The following CSMD2 variants were observed in gnomAD, a reference collection of about 807,000 sequenced individuals.
CSMD2 encodes CUB and sushi domain-containing protein 2.
A neutral mutation model predicts 398.5 loss-of-function variants in CSMD2; 130 were observed. That is an observed-to-expected ratio of 0.33 (90% CI 0.28 to 0.38). The LOEUF (loss-of-function observed/expected upper bound fraction) is 0.38. CSMD2 is among the 10% of genes least tolerant of loss of function. The pLI is 1.00. For missense variants in CSMD2, 3,829 were observed against 4,764.9 expected, an observed-to-expected ratio of 0.80 and a Z score of 5.78; for synonymous variants, 1,828 against 1,908.5, an observed-to-expected ratio of 0.96 and a Z score of 1.10.
At chr1:34,093,525 ATG>A (rs1658902575) in intron 1 of CSMD2, among the ~76,000 whole-genome samples, 1 of 152,042 alleles carries the variant, frequency 6.6e-6, no homozygotes, top group Admixed American at 6.5e-5. Flanking sequence ...ATTTAGAAGA[ATG>A]TATAACTAGA....
intron 3 of CSMD2, among the ~76,000 whole-genome samples, chr1:33,969,435 C>T (rs493137): frequency 0.073 from 11,114 of 151,978 alleles, 1,149 homozygotes; most frequent in African/African-American, 0.23. Context: ...CTAGACAGTG[C>T]GATGGATGGA....
intron 5 of CSMD2, among the ~76,000 whole-genome samples, chr1:33,867,864 C>T: frequency 6.6e-6 from 1 of 152,154 alleles, no homozygotes; most frequent in East Asian, 1.9e-4. Context: ...AAGAGGGCCC[C>T]CACACAGCTA....
At chr1:33,657,012 T>A (rs994766656) in intron 27 of CSMD2, among the ~76,000 whole-genome samples, 1 of 152,184 alleles carries the variant, frequency 6.6e-6, no homozygotes, top group Non-Finnish European at 1.5e-5. Flanking sequence ...TGTCTCTATC[T>A]ATTTACCTTT....
intron 2 of CSMD2, among the ~76,000 whole-genome samples, chr1:34,055,608 C>A (rs529697731): frequency 6.6e-6 from 1 of 152,196 alleles, no homozygotes; most frequent in Admixed American, 6.5e-5. Flanking sequence ...CAAAGGATAC[C>A]AATGAACACC....
chr1:34,085,287 G>A (rs960919769), intron 2 of CSMD2, among the ~76,000 whole-genome samples: 1 of 151,860 alleles, frequency 6.6e-6, no homozygotes, highest in Non-Finnish European at 1.5e-5. Flanking sequence ...GCTAAATGAC[G>A]AGTTAATGGG....
intron 2 of CSMD2, among the ~76,000 whole-genome samples, chr1:34,052,475 A>T (rs1434984103): frequency 6.8e-6 from 1 of 146,296 alleles, no homozygotes; most frequent in African/African-American, 2.6e-5. Context: ...GGGTCGAGAA[A>T]TCAATCCCCT....
rs35599517 is a variant in CSMD2, at chr1:33,581,354, TAAA to T, written c.7241-458_7241-456del. On this transcript the variant is annotated intron_variant, in intron 47 of 70. Coordinates refer to ENST00000373381, the MANE Select transcript of CSMD2 (RefSeq NM_001281956.2). ...TTGGCAAGCAAGACCCCATCTTTAC[TAAA>T]AAAAAAAAAAAAAAAAAAAAAAAAT... is the stretch of plus-strand genomic sequence containing the variant. 1.7e-3 allele frequency among the ~76,000 whole-genome samples: 145 copies of T among 84,218 alleles called. 7 individuals are homozygous for T. The highest frequency in any genetic ancestry group is 5.9e-3 in the African/African-American group (131 of 22,236). The allele number at this position is 84,218 out of a possible 152,430, so 55.3% of individuals were successfully genotyped here. A position where few individuals can be genotyped will look rare whatever the true frequency, so the allele number is the denominator to read the frequency against.
Position 34,090,635 on chromosome 1 carries a change from C to A in CSMD2, c.188-1442G>T, listed in dbSNP as rs572897350. On this transcript the variant is annotated intron_variant, in intron 1 of 70. Coordinates refer to ENST00000373381, the MANE Select transcript of CSMD2 (RefSeq NM_001281956.2). ...CTTCCTCTTCTTCACAACCCCATGG[C>A]TAATCTACCACTCTATCTCTATCTC... is the stretch of plus-strand genomic sequence containing the variant. Among the ~76,000 whole-genome samples, 23 of 152,206 alleles carry A rather than the reference C, an allele frequency of 1.5e-4. No homozygotes were observed. In the South Asian group the frequency reaches 4.8e-3, roughly 32 times the overall value.
chr1:33,884,214 C>A (rs4653358), intron 5 of CSMD2, among the ~76,000 whole-genome samples: 127,203 of 151,764 alleles, frequency 0.84, 53,817 homozygotes, highest in African/African-American at 0.96. Flanking sequence ...GTTGTGTCCC[C>A]GTTGTAAGCT....
At chr1:34,000,224 A>C (rs1331816828) in intron 3 of CSMD2, among the ~76,000 whole-genome samples, 2 of 152,168 alleles carry the variant, frequency 1.3e-5, no homozygotes, top group African/African-American at 4.8e-5. Context: ...CTTTTTGATG[A>C]AAGTGACAAG....
chr1:33,712,383 T>C (rs922456184), intron 21 of CSMD2, among the ~76,000 whole-genome samples: 8 of 152,170 alleles, frequency 5.3e-5, no homozygotes, highest in Non-Finnish European at 2.9e-5. Context: ...CCTTCTCGGC[T>C]GGAAATGTTC....
At chr1:33,993,257 G>T (rs1274420950) in intron 3 of CSMD2, among the ~76,000 whole-genome samples, 1 of 152,202 alleles carries the variant, frequency 6.6e-6, no homozygotes, top group Non-Finnish European at 1.5e-5. Flanking sequence ...CCCTCAGTTT[G>T]TAGTTTGCAT....
chr1:33,805,396 A>T (rs1015061905), intron 10 of CSMD2, among the ~76,000 whole-genome samples: 1 of 152,170 alleles, frequency 6.6e-6, no homozygotes, highest in Non-Finnish European at 1.5e-5. Flanking sequence ...TTCTTTGTAA[A>T]ATGTTGTGCA....
intron 6 of CSMD2, among the ~76,000 whole-genome samples, chr1:33,831,905 G>A (rs1557969533): frequency 6.6e-6 from 1 of 151,962 alleles, no homozygotes; most frequent in Non-Finnish European, 1.5e-5. Flanking sequence ...AAGATCAAAA[G>A]AGACAAAGAA....
chr1:34,014,928 T>C (rs952502252), intron 3 of CSMD2, among the ~76,000 whole-genome samples: 3 of 152,254 alleles, frequency 2.0e-5, no homozygotes, highest in African/African-American at 7.2e-5. Context: ...CATGTGTGCC[T>C]CTAAGCAGGG....
intron 25 of CSMD2, among the ~76,000 whole-genome samples, chr1:33,681,169 C>A (rs1416357785): frequency 6.6e-6 from 1 of 151,938 alleles, no homozygotes; most frequent in African/African-American, 2.4e-5. Flanking sequence ...AGTGATTCAC[C>A]TCCCTCAGCC....
intron 25 of CSMD2, among the ~76,000 whole-genome samples, chr1:33,682,561 T>C (rs1308704496): frequency 6.6e-6 from 1 of 152,212 alleles, no homozygotes; most frequent in Non-Finnish European, 1.5e-5. Flanking sequence ...CCACTGACTT[T>C]GGACTTTGGT....
chr1:33,788,520 A>AAAAAAAAT lies in CSMD2; in HGVS notation c.1663+72_1663+79dup. On this transcript the variant is annotated intron_variant, in intron 12 of 70. Coordinates refer to ENST00000373381, the MANE Select transcript of CSMD2 (RefSeq NM_001281956.2). ...GAGACTCCGTCTCAAAAAAAAAAAA[A>AAAAAAAAT]AAAAAAATTCTGACTGCAAATCCAG... 7.2e-6 allele frequency: 6 copies of AAAAAAAAT among 833,178 alleles called. No homozygotes were observed. In the South Asian group the frequency reaches 9.5e-5, roughly 13 times the overall value. 51.6% of individuals were successfully genotyped at this position (833,178 alleles called of 1,614,324 possible).
intron 29 of CSMD2, among the ~76,000 whole-genome samples, chr1:33,644,218 A>C (rs987908917): frequency 6.6e-6 from 1 of 152,100 alleles, no homozygotes; most frequent in Non-Finnish European, 1.5e-5. Context: ...AAAGAACTTC[A>C]CTGGGAAAGA....
Sources: gnomAD v4.1 joint callset for allele counts (sites outside exome capture counted in the v4.1 genomes callset) on GRCh38, gnomAD v4.1.1 for gene constraint, MANE v1.5 for transcripts, NCBI Gene and HGNC (gene_info 2026-07-23, HGNC 2026-07-21) for gene names.